The following RAD51B variants were observed in gnomAD, a reference collection of about 807,000 sequenced individuals.
RAD51B encodes the protein RAD51 paralog B, also known as DNA repair protein RAD51 homolog 2.
A neutral mutation model predicts 42.2 loss-of-function variants in RAD51B; 38 were observed. That is an observed-to-expected ratio of 0.90 (90% CI 0.70 to 1.18). The LOEUF is 1.18. Among genes scored for constraint, RAD51B ranks in the 50% most tolerant of loss-of-function variants. The pLI, the probability that RAD51B is intolerant of heterozygous loss-of-function variation, is 0.00. For synonymous variants in RAD51B, 154 were observed against 145.2 expected (o/e 1.06, Z -0.43); for missense variants, 373 against 400.7 (o/e 0.93, Z 0.59).
chr14:68,048,651 C>T (rs2076341646), intron 7 of RAD51B, among the ~76,000 whole-genome samples: 1 of 152,176 alleles, frequency 6.6e-6, no homozygotes, highest in South Asian at 2.1e-4. Flanking sequence ...ATCAAAACCA[C>T]AGTGAAATAT....
chr14:68,266,451 C>T (rs1368742316), intron 7 of RAD51B, among the ~76,000 whole-genome samples: 2 of 152,106 alleles, frequency 1.3e-5, no homozygotes, highest in African/African-American at 4.8e-5. Context: ...GATCTTAAGG[C>T]CTACTTTTAG....
downstream of RAD51B, among the ~76,000 whole-genome samples, chr14:68,479,545 C>T (rs1241859957): frequency 2.0e-5 from 3 of 152,148 alleles, no homozygotes; most frequent in Non-Finnish European, 1.5e-5. Flanking sequence ...AGTTTATTCC[C>T]ATTAGATCAT....
chr14:68,479,142 C>A (rs773793847), downstream of RAD51B, among the ~76,000 whole-genome samples: 17 of 152,098 alleles, frequency 1.1e-4, no homozygotes, highest in Non-Finnish European at 2.4e-4. Flanking sequence ...CCATGTGTCT[C>A]CCTCTGAGTG....
At chr14:68,651,975 C>A (rs551967433) in intron 11 of RAD51B, among the ~76,000 whole-genome samples, 137 of 152,214 alleles carry the variant, frequency 9.0e-4, no homozygotes, top group Non-Finnish European at 1.5e-3. Flanking sequence ...AAGCACAGGG[C>A]GCATCTGGGA....
intron 7 of RAD51B, among the ~76,000 whole-genome samples, chr14:68,091,462 G>A (rs2140518784): frequency 6.6e-6 from 1 of 152,294 alleles, no homozygotes; most frequent in Middle Eastern, 3.4e-3. Flanking sequence ...ATGATGATGA[G>A]CATTTTTTCA....
intron 7 of RAD51B, among the ~76,000 whole-genome samples, chr14:67,987,915 T>C (rs1192870058): frequency 2.0e-5 from 3 of 152,186 alleles, no homozygotes; most frequent in African/African-American, 4.8e-5. Context: ...GTAACTGAAG[T>C]GGGAGGTTTT....
chr14:68,653,677 A>G (rs779002773), intron 11 of RAD51B, among the ~76,000 whole-genome samples: 152 of 152,344 alleles, frequency 1.0e-3, no homozygotes, highest in Non-Finnish European at 2.0e-3. Flanking sequence ...CCAATTTGAG[A>G]ACCACTGGTC....
chr14:68,675,470 C>G (rs530350917), intron 11 of RAD51B, among the ~76,000 whole-genome samples: 5 of 152,168 alleles, frequency 3.3e-5, no homozygotes, highest in Non-Finnish European at 7.3e-5. Flanking sequence ...TGGCCCCCAA[C>G]ACAGTAACAC....
chr14:68,620,452 C>G (rs1891922283), intron 10 of RAD51B, among the ~76,000 whole-genome samples: 1 of 152,200 alleles, frequency 6.6e-6, no homozygotes. Context: ...GAAAGAAGAG[C>G]CTTGCTCACT....
intron 10 of RAD51B, among the ~76,000 whole-genome samples, chr14:68,602,539 TA>T (rs1436915090): frequency 6.6e-6 from 1 of 151,952 alleles, no homozygotes; most frequent in Non-Finnish European, 1.5e-5. Flanking sequence ...GATAGATAGA[TA>T]GATAGATAAT....
At chr14:68,499,220 A>G (rs1884751268) in intron 10 of RAD51B, among the ~76,000 whole-genome samples, 1 of 152,186 alleles carries the variant, frequency 6.6e-6, no homozygotes, top group Non-Finnish European at 1.5e-5. Context: ...CCAACTAAGA[A>G]CAGGAAGCCC....
intron 7 of RAD51B, among the ~76,000 whole-genome samples, chr14:68,055,523 A>G (rs923335713): frequency 2.0e-5 from 3 of 152,250 alleles, no homozygotes; most frequent in Non-Finnish European, 4.4e-5. Context: ...AATGCTAGAT[A>G]TAGAAATCTT....
intron 7 of RAD51B, among the ~76,000 whole-genome samples, chr14:68,167,989 C>A (rs573154301): frequency 6.6e-6 from 1 of 151,982 alleles, no homozygotes; most frequent in South Asian, 2.1e-4. Context: ...AAGAATAACT[C>A]GCTATTCTTT....
intron 7 of RAD51B, among the ~76,000 whole-genome samples, chr14:68,089,988 C>T (rs1167276410): frequency 1.3e-5 from 2 of 151,890 alleles, no homozygotes; most frequent in Non-Finnish European, 2.9e-5. Flanking sequence ...GGAAAGTAAG[C>T]GGAAACTAGA....
intron 10 of RAD51B, among the ~76,000 whole-genome samples, chr14:68,523,919 C>T (rs907896536): frequency 6.6e-6 from 1 of 152,172 alleles, no homozygotes; most frequent in African/African-American, 2.4e-5. Flanking sequence ...ATGTGTCTGT[C>T]GTGCTCAAAA....
chr14:68,238,682 G>T (rs1436423083), intron 7 of RAD51B, among the ~76,000 whole-genome samples: 1 of 152,210 alleles, frequency 6.6e-6, no homozygotes, highest in Non-Finnish European at 1.5e-5. Flanking sequence ...ACTCAGCTTG[G>T]TCTCAACTCT....
intron 9 of RAD51B, among the ~76,000 whole-genome samples, chr14:68,428,733 AT>A (rs2084919107): frequency 2.7e-4 from 7 of 25,596 alleles, no homozygotes; most frequent in Admixed American, 1.7e-3. Context: ...ATATATATAT[AT>A]ATATATATAT....
intron 10 of RAD51B, among the ~76,000 whole-genome samples, chr14:68,518,554 G>GCCCCCCCCCCCCCCCC (rs11341781): frequency 1.5e-5 from 2 of 137,360 alleles, no homozygotes; most frequent in Non-Finnish European, 3.1e-5. Flanking sequence ...GGTCATATGA[G>GCCCCCCCCCCCCCCCC]CCCCCCCCCC....
chr14:68,338,051 G>A (rs1473437614), intron 8 of RAD51B, among the ~76,000 whole-genome samples: 2 of 151,994 alleles, frequency 1.3e-5, no homozygotes, highest in East Asian at 1.9e-4. Context: ...CTCACACTCC[G>A]AAAGTGCTGG....
Sources: allele counts gnomAD v4.1 joint callset (sites outside exome capture counted in the v4.1 genomes callset), GRCh38; gene constraint gnomAD v4.1.1; transcripts MANE v1.5; gene names NCBI Gene and HGNC (gene_info 2026-07-23, HGNC 2026-07-21).